Variants in IVD observed in about 807,000 individuals in gnomAD.
The protein encoded by IVD is isovaleryl-CoA dehydrogenase.
Under a neutral mutation model 51.3 loss-of-function variants are expected in IVD, and 31 were observed. The ratio of observed to expected loss-of-function variants is 0.60; its 90% confidence interval spans 0.45 to 0.81. The LOEUF (loss-of-function observed/expected upper bound fraction) is 0.81. Among genes scored for constraint, IVD ranks in the 40% least tolerant of loss-of-function variants. The probability of loss-of-function intolerance (pLI) is 0.00; values close to 1 mark genes in which losing one functional copy is unlikely to be tolerated. For synonymous variants in IVD, 205 were observed against 219.4 expected (o/e 0.93, Z 0.58); for missense variants, 475 against 552.0 (o/e 0.86, Z 1.40).
intron 2 of IVD, 67 bp from the exon 3 acceptor site, chr15:40,407,872 T>G: frequency 1.9e-6 from 3 of 1,539,162 alleles, no homozygotes; most frequent in Non-Finnish European, 2.7e-6. Flanking sequence ...GTCTCATTGT[T>G]CCAGCCACAT....
At position 40,420,835 on chromosome 15, in the gene IVD, G is replaced by A. The variant is rs1404741714; in HGVS notation, c.*2572G>A. 1 of 985,426 alleles carries A rather than the reference G, an allele frequency of 1.0e-6. No individual in the cohort carries two copies. Among genetic ancestry groups the A allele is most frequent in the Non-Finnish European group, 1.2e-6 (1 of 829,992 alleles). The allele number at this position is 985,426 out of a possible 1,614,324, so 61.0% of individuals were successfully genotyped here. On this transcript the variant is annotated 3_prime_UTR_variant, in exon 12 of 12. Transcript: ENST00000487418. ...CAGCTTTGGGCCGCACTGTACAGCAGTCTGGATAGAGTGTGATCTGAGAAG... is the reference window on the plus strand; with the variant it reads ...CAGCTTTGGGCCGCACTGTACAGCAATCTGGATAGAGTGTGATCTGAGAAG...
chr15:40,408,028 A>T (rs770934732), intron 3 of IVD, 38 bp downstream of exon 3: 8 of 1,582,284 alleles, frequency 5.1e-6, no homozygotes, highest in Non-Finnish European at 7.0e-6. Flanking sequence ...AACTTTTCTT[A>T]TGTGCCCTTT....
chr15:40,418,201 G>C lies in IVD; in HGVS notation c.1210G>C (p.Ala404Pro), dbSNP rs1349225946. The C allele has an allele frequency of 1.2e-6, 2 of 1,614,220 alleles. No individual in the cohort carries two copies. Among genetic ancestry groups the C allele is most frequent in the Non-Finnish European group, 1.7e-6 (2 of 1,180,046 alleles). ...LRDAKLYEIG[A>P]GTSEVRRLVI... ...AGATGCCAAGCTGTATGAGATAGGGGCTGGGACCAGCGAGGTGAGGCGGCT... is the reference window on the plus strand; with the variant it reads ...AGATGCCAAGCTGTATGAGATAGGGCCTGGGACCAGCGAGGTGAGGCGGCT... Residue 404 changes from alanine (A) to proline (P), a missense_variant, in exon 12 of 12, where the codon GCT (alanine) becomes CCT (proline). Ala to Pro is a conservative substitution (Grantham distance 27). Transcript: ENST00000487418.
downstream of IVD, among the ~76,000 whole-genome samples, chr15:40,428,669 T>C (rs1892803439): frequency 6.6e-6 from 1 of 152,258 alleles, no homozygotes; most frequent in African/African-American, 2.4e-5. Context: ...CCCTCCCACC[T>C]GATCACCCAC....
At position 40,421,221 on chromosome 15, in the gene IVD, G is replaced by A. The variant is rs979490368; in HGVS notation, c.*2958G>A. On this transcript the variant is annotated 3_prime_UTR_variant, in exon 12 of 12. Coordinates refer to ENST00000487418, the MANE Select transcript of IVD (RefSeq NM_002225.5). ...GCTTCATCCAGTCTGTCTAAGCCCT[G>A]TCGACTTGGGGAGGTGATTTCTTTC... 1.0e-6 allele frequency: 1 copy of A among 985,344 alleles called. No homozygotes were observed. The highest frequency in any genetic ancestry group is 1.7e-5 in the African/African-American group (1 of 57,254). The allele number at this position is 985,344 out of a possible 1,614,324, so 61.0% of individuals were successfully genotyped here. A position where few individuals can be genotyped will look rare whatever the true frequency, so the allele number is the denominator to read the frequency against.
At position 40,410,722 on chromosome 15, in the gene IVD, T is replaced by C. The variant is rs2141323846; in HGVS notation, c.381T>C (p.Gly127=). Residue 127 remains glycine, a synonymous_variant, in exon 4 of 12, where the codon GGT becomes GGC. Coordinates refer to ENST00000487418, the MANE Select transcript of IVD (RefSeq NM_002225.5). The part of the protein sequence containing the change: ...RASGAVGLSY[G]AHSNLCINQL... ...CCGGAGCAGTGGGGCTCAGTTACGGTGCCCACTCCAACCTCTGCATCAACC... is the reference window on the plus strand; with the variant it reads ...CCGGAGCAGTGGGGCTCAGTTACGGCGCCCACTCCAACCTCTGCATCAACC... The C allele has an allele frequency of 1.9e-6, 3 of 1,614,182 alleles. No individual in the cohort carries two copies. The highest frequency in any genetic ancestry group is 2.5e-6 in the Non-Finnish European group (3 of 1,180,018).
chr15:40,406,766 C>G (rs934028651), intron 1 of IVD, among the ~76,000 whole-genome samples: 4 of 152,160 alleles, frequency 2.6e-5, no homozygotes, highest in Non-Finnish European at 5.9e-5. Flanking sequence ...ATGTTTATAG[C>G]CAGCGAGCGC....
chr15:40,418,623 C>T lies in IVD; in HGVS notation c.*360C>T, dbSNP rs1262203173. 3.6e-6 allele frequency: 4 copies of T among 1,119,326 alleles called. No homozygotes were observed. The highest frequency in any genetic ancestry group is 4.4e-6 in the Non-Finnish European group (4 of 905,796). 69.3% of individuals were successfully genotyped at this position (1,119,326 alleles called of 1,614,324 possible). ...GGTGCCCACCTCCCAGGGTAGGCAC[C>T]TGGGGGCATGCAGGTACCCACCTCT... is the stretch of plus-strand genomic sequence containing the variant. On this transcript the variant is annotated 3_prime_UTR_variant, in exon 12 of 12. Coordinates refer to ENST00000487418, the MANE Select transcript of IVD (RefSeq NM_002225.5).
intron 3 of IVD, among the ~76,000 whole-genome samples, chr15:40,409,403 G>GAA (rs531324100): frequency 6.9e-6 from 1 of 144,226 alleles, no homozygotes; most frequent in Non-Finnish European, 1.5e-5. Context: ...CCCGCCTCTT[G>GAA]AAAAAAAAAA....
chr15:40,410,942 G>A (rs1891009116), intron 4 of IVD, 145 bp downstream of exon 4: 5 of 1,015,150 alleles, frequency 4.9e-6, no homozygotes, highest in Admixed American at 4.1e-5. Context: ...GCCATGGATT[G>A]CTTTAAAATA....
chr15:40,423,564 C>T (rs906890511), downstream of IVD, among the ~76,000 whole-genome samples: 9 of 152,282 alleles, frequency 5.9e-5, no homozygotes, highest in South Asian at 6.2e-4. Context: ...TGGGTTCTAG[C>T]GATTCTTCTG....
chr15:40,434,615 A>G (rs969087247), intron 8 of IVD, among the ~76,000 whole-genome samples: 1 of 152,222 alleles, frequency 6.6e-6, no homozygotes, highest in Non-Finnish European at 1.5e-5. Flanking sequence ...CATAGAGTTC[A>G]GGGCAGCAGG....
chr15:40,428,725 G>A (rs1892807502), downstream of IVD, among the ~76,000 whole-genome samples: 2 of 152,220 alleles, frequency 1.3e-5, no homozygotes, highest in Non-Finnish European at 1.5e-5. Flanking sequence ...CCTGAGCCTG[G>A]AGAGAGGCTG....
At chr15:40,406,051 A>AAGGCC in intron 1 of IVD, 80 bp downstream of exon 1, 33 of 1,542,434 alleles carry the variant, frequency 2.1e-5, no homozygotes, top group Admixed American at 1.4e-4. Flanking sequence ...CCTGGTCCCC[A>AAGGCC]TCGGCCCAGC....
Position 40,413,213 on chromosome 15 carries a change from G to C in IVD, c.784+126G>C, listed in dbSNP as rs955451035. On this transcript the variant is annotated intron_variant, in intron 7 of 11. Transcript: ENST00000487418. Reference sequence around the variant, plus strand: ...CATTGTTAGCGCTTCAGTGACATGTGGCTAGGCTGTGAGCTGGGGCTGCTG... The same window carrying C: ...CATTGTTAGCGCTTCAGTGACATGTCGCTAGGCTGTGAGCTGGGGCTGCTG... 9.7e-5 allele frequency: 77 copies of C among 795,378 alleles called. No individual in the cohort carries two copies. The African/African-American group carries it at 1.2e-3, about 13-fold the overall frequency. The allele number at this position is 795,378 out of a possible 1,614,324, so 49.3% of individuals were successfully genotyped here.
Position 40,418,621 on chromosome 15 carries a change from A to G in IVD, c.*358A>G. The G allele has an allele frequency of 9.0e-7, 1 of 1,115,702 alleles. No homozygotes were observed. The highest frequency in any genetic ancestry group is 1.1e-6 in the Non-Finnish European group (1 of 903,542). 69.1% of individuals were successfully genotyped at this position (1,115,702 alleles called of 1,614,324 possible). ...CAGGTGCCCACCTCCCAGGGTAGGCACCTGGGGGCATGCAGGTACCCACCT... is the reference window on the plus strand; with the variant it reads ...CAGGTGCCCACCTCCCAGGGTAGGCGCCTGGGGGCATGCAGGTACCCACCT... On this transcript the variant is annotated 3_prime_UTR_variant, in exon 12 of 12. Coordinates refer to ENST00000487418, the MANE Select transcript of IVD (RefSeq NM_002225.5).
At chr15:40,415,555 G>T in intron 9 of IVD, 73 bp downstream of exon 9, 1 of 1,314,680 alleles carries the variant, frequency 7.6e-7, no homozygotes, top group Non-Finnish European at 1.1e-6. Context: ...GAGGAAGTGA[G>T]GTGGGCACCG....
intron 8 of IVD, among the ~76,000 whole-genome samples, chr15:40,434,216 C>T (rs1484988421): frequency 6.6e-6 from 1 of 152,208 alleles, no homozygotes; most frequent in Non-Finnish European, 1.5e-5. Context: ...TGATTTTTTT[C>T]AAGAGAAACT....
downstream of IVD, among the ~76,000 whole-genome samples, chr15:40,424,749 T>C (rs1051121774): frequency 2.6e-5 from 4 of 152,202 alleles, no homozygotes; most frequent in African/African-American, 9.6e-5. Flanking sequence ...ATTTTGCTGG[T>C]ATACTGTTAT....
Sources: gnomAD v4.1 joint callset for allele counts (sites outside exome capture counted in the v4.1 genomes callset) on GRCh38, gnomAD v4.1.1 for gene constraint, MANE v1.5 for transcripts, NCBI Gene and HGNC (gene_info 2026-07-23, HGNC 2026-07-21) for gene names.